RBFOX1: variants seen among roughly 807,000 people sequenced by gnomAD.
RBFOX1 encodes the protein RNA binding protein fox-1 homolog 1.
Under a neutral mutation model 57.7 loss-of-function variants are expected in RBFOX1, and 8 were observed. The ratio of observed to expected loss-of-function variants is 0.14; its 90% CI spans 0.08 to 0.25. The LOEUF is 0.25. Among genes scored for constraint, RBFOX1 ranks in the 10% least tolerant of loss-of-function variants. The probability of loss-of-function intolerance (pLI) is 1.00; values close to 1 mark genes in which losing one functional copy is unlikely to be tolerated. For missense variants in RBFOX1, 611 were observed against 548.5 expected (o/e 1.11, Z -1.14); for synonymous variants, 326 against 222.4 (o/e 1.47, Z -4.15).
chr16:6,434,902 A>G (rs1335927238), intron 2 of RBFOX1, among the ~76,000 whole-genome samples: 1 of 152,192 alleles, frequency 6.6e-6, no homozygotes, highest in African/African-American at 2.4e-5. Flanking sequence ...AGGTTAAATG[A>G]TAAATGACAA....
chr16:6,242,369 TC>T (rs2097544182), intron 1 of RBFOX1, among the ~76,000 whole-genome samples: 1 of 152,088 alleles, frequency 6.6e-6, no homozygotes, highest in African/African-American at 2.4e-5. Context: ...CTCAAGGTTT[TC>T]TTTTTTTTAA....
intron 1 of RBFOX1, among the ~76,000 whole-genome samples, chr16:5,392,436 A>C (rs1420650994): frequency 6.6e-6 from 1 of 152,090 alleles, no homozygotes; most frequent in African/African-American, 2.4e-5. Flanking sequence ...GGATATCTTT[A>C]GGCAGTGTAA....
intron 4 of RBFOX1, among the ~76,000 whole-genome samples, chr16:7,129,112 C>T (rs73542978): frequency 5.3e-5 from 8 of 152,232 alleles, no homozygotes; most frequent in Non-Finnish European, 8.8e-5. Flanking sequence ...AGCCACGGCA[C>T]GCAGTCATAA....
At chr16:6,858,622 A>T (rs921525722) in intron 3 of RBFOX1, among the ~76,000 whole-genome samples, 16 of 152,128 alleles carry the variant, frequency 1.1e-4, no homozygotes, top group Non-Finnish European at 2.1e-4. Context: ...GACTCAGACG[A>T]TTTCATTTAG....
intron 1 of RBFOX1, among the ~76,000 whole-genome samples, chr16:6,060,038 TTTG>T (rs888465487): frequency 6.6e-6 from 1 of 151,622 alleles, no homozygotes; most frequent in African/African-American, 2.4e-5. Context: ...TCCCACTCTG[TTTG>T]TTGTCTTGGA....
chr16:7,170,340 A>G (rs2080437485), intron 4 of RBFOX1, among the ~76,000 whole-genome samples: 1 of 152,094 alleles, frequency 6.6e-6, no homozygotes, highest in African/African-American at 2.4e-5. Flanking sequence ...TGGAGCAGTC[A>G]CAGCTCACTG....
chr16:7,701,388 C>G (rs548751780), intron 14 of RBFOX1, among the ~76,000 whole-genome samples: 1 of 152,182 alleles, frequency 6.6e-6, no homozygotes. Flanking sequence ...CCTGTCTGAC[C>G]AGTGGCAGCA....
At chr16:6,512,342 A>G (rs771470246) in intron 2 of RBFOX1, among the ~76,000 whole-genome samples, 2 of 123,970 alleles carry the variant, frequency 1.6e-5, no homozygotes, top group African/African-American at 3.3e-5. Flanking sequence ...AATGAAAAAC[A>G]TACATTATCA....
chr16:6,452,747 C>A (rs909403135), intron 2 of RBFOX1, among the ~76,000 whole-genome samples: 8 of 152,164 alleles, frequency 5.3e-5, no homozygotes, highest in Non-Finnish European at 5.9e-5. Flanking sequence ...TAAAGTGGAT[C>A]CTTGTGCCTT....
intron 1 of RBFOX1, among the ~76,000 whole-genome samples, chr16:6,039,347 GAAAA>G (rs58081772): frequency 4.2e-4 from 57 of 136,304 alleles, no homozygotes; most frequent in South Asian, 1.9e-3. Flanking sequence ...CTGCTTTCTG[GAAAA>G]AAAAAAAAAA....
chr16:7,567,471 ATCCCTATGTATGGCCCTATATG>A (rs1316558988), intron 5 of RBFOX1, among the ~76,000 whole-genome samples: 1 of 54,510 alleles, frequency 1.8e-5, no homozygotes, highest in Non-Finnish European at 4.4e-5. Context: ...CTATATATAT[ATCCCTATGTATGGCCCTATATG>A]TATATCCCTA....
At chr16:6,322,178 C>T (rs1014962335) in intron 2 of RBFOX1, among the ~76,000 whole-genome samples, 6 of 152,200 alleles carry the variant, frequency 3.9e-5, no homozygotes, top group African/African-American at 9.7e-5. Flanking sequence ...TTCTTACTTA[C>T]GTATCTGGGA....
chr16:6,227,769 A>G (rs1288967236), intron 1 of RBFOX1, among the ~76,000 whole-genome samples: 4 of 152,232 alleles, frequency 2.6e-5, no homozygotes, highest in Non-Finnish European at 4.4e-5. Flanking sequence ...GCGATAAAAA[A>G]TGAATATGTG....
intron 2 of RBFOX1, among the ~76,000 whole-genome samples, chr16:6,512,345 C>G (rs1170697254): frequency 7.2e-6 from 1 of 137,984 alleles, no homozygotes; most frequent in Non-Finnish European, 1.6e-5. Flanking sequence ...GAAAAACATA[C>G]ATTATCATTA....
chr16:6,721,993 A>G (rs957148373), intron 3 of RBFOX1: 1 of 152,728 alleles, frequency 6.5e-6, no homozygotes, highest in African/African-American at 2.4e-5. Flanking sequence ...GTATTACAGC[A>G]TGTATCAAAA....
At chr16:5,680,361 C>T (rs1302114457) in intron 3 of RBFOX1, among the ~76,000 whole-genome samples, 1 of 152,158 alleles carries the variant, frequency 6.6e-6, no homozygotes, top group Non-Finnish European at 1.5e-5. Flanking sequence ...CCCTAATGTC[C>T]TGTTTAATTT....
intron 11 of RBFOX1, among the ~76,000 whole-genome samples, chr16:7,637,762 G>A (rs1161426271): frequency 6.6e-6 from 1 of 152,140 alleles, no homozygotes; most frequent in African/African-American, 2.4e-5. Flanking sequence ...ACTATTTTAT[G>A]GAGGGGGTGC....
chr16:7,086,238 C>T (rs550946124), intron 4 of RBFOX1, among the ~76,000 whole-genome samples: 4 of 152,068 alleles, frequency 2.6e-5, no homozygotes, highest in South Asian at 2.1e-4. Context: ...TTTTGCCATG[C>T]GCAGTTGTAG....
chr16:6,634,146 G>T lies in RBFOX1; in HGVS notation c.-63-20457G>T, dbSNP rs572929568. 2.3e-4 allele frequency among the ~76,000 whole-genome samples: 35 copies of T among 152,284 alleles called. No individual in the cohort carries two copies. The South Asian group carries it at 7.0e-3, about 31-fold the overall frequency. On this transcript the variant is annotated intron_variant, in intron 2 of 15. Transcript: ENST00000550418. The stretch of plus-strand genomic sequence containing the variant: ...TATTCTACTATACCAGTTATTGTGA[G>T]TAATTCATGGAGGTTCAGAATGGGT...
Sources: gnomAD v4.1 joint callset for allele counts (sites outside exome capture counted in the v4.1 genomes callset) on GRCh38, gnomAD v4.1.1 for gene constraint, MANE v1.5 for transcripts, NCBI Gene and HGNC (gene_info 2026-07-23, HGNC 2026-07-21) for gene names.